Variants in ETFDH observed in about 807,000 individuals in gnomAD.
ETFDH encodes electron transfer flavoprotein dehydrogenase.
In ETFDH, 61 loss-of-function variants were observed where a neutral mutation model predicts 73.2. The observed-to-expected ratio is 0.83, with a 90% confidence interval of 0.68 to 1.03. The LOEUF (loss-of-function observed/expected upper bound fraction) is 1.03. ETFDH is among the 50% of genes least tolerant of loss of function. The pLI is 0.00. For missense variants in ETFDH, 685 were observed against 745.0 expected, an observed-to-expected ratio of 0.92 and a Z score of 0.94; for synonymous variants, 243 against 253.3, an observed-to-expected ratio of 0.96 and a Z score of 0.39.
chr4:158,689,697 A>G (rs1774112014), intron 5 of ETFDH, among the ~76,000 whole-genome samples: 1 of 142,970 alleles, frequency 7.0e-6, no homozygotes, highest in South Asian at 2.2e-4. Flanking sequence ...CTCCATGCCC[A>G]TGCTTTCTTA....
At chr4:158,695,882 T>C (rs1286665335) in intron 7 of ETFDH, among the ~76,000 whole-genome samples, 2 of 152,242 alleles carry the variant, frequency 1.3e-5, no homozygotes, top group African/African-American at 4.8e-5. Flanking sequence ...CAAGTGTTGC[T>C]TGAAGTGAAT....
At position 158,706,675 on chromosome 4, in the gene ETFDH, T is replaced by C. The variant is rs750386878; in HGVS notation, c.1515T>C (p.Ile505=). The change falls in exon 12 of 13, where the codon ATT becomes ATC. Residue 505 remains isoleucine (I), a synonymous_variant. Coordinates refer to ENST00000511912, the MANE Select transcript of ETFDH (RefSeq NM_004453.4). ...AGCCAGCCAAGGATTGCACACCTAT[T>C]GAGTATCCAAAACCCGATGGACAGA... ...RLKPAKDCTP[I]EYPKPDGQIS... 3 of 1,614,182 alleles carry C rather than the reference T, an allele frequency of 1.9e-6. No homozygotes were observed. The highest frequency in any genetic ancestry group is 2.2e-5 in the South Asian group (2 of 91,088).
intron 5 of ETFDH, among the ~76,000 whole-genome samples, chr4:158,687,220 A>G: frequency 6.6e-6 from 1 of 152,192 alleles, no homozygotes; most frequent in Middle Eastern, 3.2e-3. Context: ...ACCAGAAGTA[A>G]TTGTTTGCTT....
intron 1 of ETFDH, among the ~76,000 whole-genome samples, chr4:158,678,294 C>T (rs1371680334): frequency 6.6e-6 from 1 of 152,054 alleles, no homozygotes; most frequent in African/African-American, 2.4e-5. Context: ...TTCTTGTGTC[C>T]CAAGACCTTT....
intron 7 of ETFDH, 71 bp downstream of exon 7, chr4:158,695,714 T>C: frequency 3.1e-6 from 3 of 981,412 alleles, no homozygotes; most frequent in Non-Finnish European, 4.9e-6. Flanking sequence ...TATCAGGTAG[T>C]TTATAATACT....
chr4:158,706,111 CAAAGTAGCAA>C, intron 10 of ETFDH, 68 bp from the exon 11 acceptor site: 1 of 1,007,690 alleles, frequency 9.9e-7, no homozygotes, highest in South Asian at 1.3e-5. Flanking sequence ...CATCAGCTAT[CAAAGTAGCAA>C]AATACTTAGC....
chr4:158,677,445 A>C (rs1262354319), intron 1 of ETFDH, among the ~76,000 whole-genome samples: 1 of 152,224 alleles, frequency 6.6e-6, no homozygotes, highest in Non-Finnish European at 1.5e-5. Flanking sequence ...CAGGTTGGAC[A>C]AGCTTGCCTT....
At chr4:158,688,966 C>T (rs1272374097) in intron 5 of ETFDH, among the ~76,000 whole-genome samples, 3 of 151,980 alleles carry the variant, frequency 2.0e-5, no homozygotes, top group African/African-American at 7.2e-5. Flanking sequence ...AAACACCTAC[C>T]CAAATTCCCA....
At chr4:158,693,742 G>T (rs909788532) in intron 6 of ETFDH, among the ~76,000 whole-genome samples, 3 of 152,140 alleles carry the variant, frequency 2.0e-5, no homozygotes, top group Non-Finnish European at 4.4e-5. Context: ...TGAAAAAACA[G>T]ACAAACCTTT....
chr4:158,707,209 A>T (rs983198651), intron 12 of ETFDH, among the ~76,000 whole-genome samples: 3 of 152,270 alleles, frequency 2.0e-5, no homozygotes, highest in Admixed American at 1.3e-4. Context: ...GATTACATTC[A>T]GTCCAAGGAA....
At chr4:158,707,981 C>T (rs1028239965) in intron 12 of ETFDH, among the ~76,000 whole-genome samples, 2 of 152,166 alleles carry the variant, frequency 1.3e-5, no homozygotes, top group Non-Finnish European at 2.9e-5. Context: ...TGAACAGAAA[C>T]GTGTTCTGAC....
Position 158,708,695 on chromosome 4 carries a change from G to A in ETFDH, c.*168G>A, listed in dbSNP as rs374357972. On this transcript the variant is annotated 3_prime_UTR_variant, in exon 13 of 13. Transcript: ENST00000511912. ...TAAGATTGTCCCATAAAGAAATTAC[G>A]GGTATTGCTTTTAAATAACCTTTAT... The A allele has an allele frequency of 6.6e-5, 41 of 621,440 alleles. No individual in the cohort carries two copies. Among genetic ancestry groups the A allele is most frequent in the South Asian group, 6.1e-4 (31 of 50,858 alleles). The allele number at this position is 621,440 out of a possible 1,614,324, so 38.5% of individuals were successfully genotyped here.
Position 158,708,324 on chromosome 4 carries a change from A to C in ETFDH, c.1691-40A>C, listed in dbSNP as rs758992499. 6.0e-6 allele frequency: 9 copies of C among 1,509,526 alleles called. No individual in the cohort carries two copies. The African/African-American group carries it at 1.2e-4, about 21-fold the overall frequency. 93.5% of individuals were successfully genotyped at this position (1,509,526 alleles called of 1,614,324 possible). On this transcript the variant is annotated intron_variant, in intron 12 of 12. Transcript: ENST00000511912. ...TTACTTTTGAATTTAAAAATTTTTTAAAGTTAGGCACTTCAATATTATTTA... is the reference window on the plus strand; with the variant it reads ...TTACTTTTGAATTTAAAAATTTTTTCAAGTTAGGCACTTCAATATTATTTA...
intron 8 of ETFDH, among the ~76,000 whole-genome samples, chr4:158,698,233 A>G (rs562231708): frequency 8.5e-5 from 13 of 152,314 alleles, no homozygotes; most frequent in African/African-American, 2.9e-4. Context: ...GAATGGAAAA[A>G]TTAGTTTCTG....
chr4:158,688,364 C>A (rs1395497589), intron 5 of ETFDH, among the ~76,000 whole-genome samples: 1 of 137,570 alleles, frequency 7.3e-6, no homozygotes, highest in Non-Finnish European at 1.5e-5. Flanking sequence ...TGCACTCCAG[C>A]CTGGCAACAG....
At chr4:158,698,918 T>A in intron 8 of ETFDH, 69 bp from the exon 9 acceptor site, 1 of 1,129,730 alleles carries the variant, frequency 8.9e-7, no homozygotes, top group Non-Finnish European at 1.3e-6. Flanking sequence ...TGATAAACAT[T>A]GCTTACATTT....
chr4:158,708,306 T>A, intron 12 of ETFDH, 58 bp from the exon 13 acceptor site: 1 of 1,357,004 alleles, frequency 7.4e-7, no homozygotes, highest in Non-Finnish European at 1.0e-6. Context: ...TTTTTACTTT[T>A]GAATTTAAAA....
Position 158,706,245 on chromosome 4 carries a change from C to T in ETFDH, c.1342C>T (p.Leu448=). The change falls in exon 11 of 13, where the codon CTA becomes TTA. Residue 448 remains leucine, a synonymous_variant. Coordinates refer to ENST00000511912, the MANE Select transcript of ETFDH (RefSeq NM_004453.4). The stretch of plus-strand genomic sequence containing the variant: ...GAAGAACTCATGGGTATGGAAAGAG[C>T]TATATTCTGTTAGAAATATAAGACC... The part of the protein sequence containing the change: ...NLKNSWVWKE[L]YSVRNIRPSC... 2 of 1,611,288 alleles carry T rather than the reference C, an allele frequency of 1.2e-6. No homozygotes were observed. Among genetic ancestry groups the T allele is most frequent in the Non-Finnish European group, 1.7e-6 (2 of 1,177,404 alleles).
chr4:158,692,527 G>A (rs559912279), intron 6 of ETFDH, among the ~76,000 whole-genome samples: 1 of 151,872 alleles, frequency 6.6e-6, no homozygotes, highest in East Asian at 1.9e-4. Flanking sequence ...GGCCTAAGAA[G>A]CTGTTTTTTA....
Sources: allele counts gnomAD v4.1 joint callset (sites outside exome capture counted in the v4.1 genomes callset), GRCh38; gene constraint gnomAD v4.1.1; transcripts MANE v1.5; gene names NCBI Gene and HGNC (gene_info 2026-07-23, HGNC 2026-07-21).